Variants in KIAA1549 observed in about 807,000 individuals in gnomAD.
KIAA1549 encodes the protein KIAA1549.
KIAA1549 carries 70 observed loss-of-function variants against 156.4 expected under a neutral mutation model. That is an observed-to-expected ratio of 0.45 (90% CI 0.37 to 0.55). The LOEUF is 0.55. KIAA1549 is among the 20% of genes least tolerant of loss of function. The pLI, the probability that KIAA1549 is intolerant of heterozygous loss-of-function variation, is 0.00. For missense variants in KIAA1549, 2,428 were observed against 2,540.9 expected, an observed-to-expected ratio of 0.96 and a Z score of 0.96; for synonymous variants, 1,103 against 1,066.4, an observed-to-expected ratio of 1.03 and a Z score of -0.67.
At chr7:138,846,482 G>A (rs936254302) in intron 17 of KIAA1549, among the ~76,000 whole-genome samples, 3 of 147,152 alleles carry the variant, frequency 2.0e-5, no homozygotes, top group East Asian at 4.0e-4. Context: ...TGCGGTGAGC[G>A]GAGATCATGC....
intron 1 of KIAA1549, among the ~76,000 whole-genome samples, chr7:138,957,753 C>T (rs895024187): frequency 1.3e-5 from 2 of 152,098 alleles, no homozygotes; most frequent in African/African-American, 4.8e-5. Context: ...GCTGAGATTA[C>T]AGACATGAGA....
At chr7:138,966,123 C>T (rs1424547026) in intron 1 of KIAA1549, among the ~76,000 whole-genome samples, 3 of 152,084 alleles carry the variant, frequency 2.0e-5, no homozygotes, top group African/African-American at 7.2e-5. Context: ...ACTGTGTGCC[C>T]CCAAAATTCA....
intron 1 of KIAA1549, among the ~76,000 whole-genome samples, chr7:138,940,171 C>A (rs529814527): frequency 7.6e-4 from 116 of 152,100 alleles, no homozygotes; most frequent in African/African-American, 2.6e-3. Context: ...CCGCTCCCCC[C>A]ACCCCACAAC....
At chr7:138,877,662 A>G (rs1811125881) in intron 12 of KIAA1549, among the ~76,000 whole-genome samples, 1 of 152,268 alleles carries the variant, frequency 6.6e-6, no homozygotes, top group African/African-American at 2.4e-5. Context: ...AAGTAAATTG[A>G]TATTTATAGT....
chr7:138,872,183 G>A (rs1407846732), intron 12 of KIAA1549, among the ~76,000 whole-genome samples: 2 of 152,032 alleles, frequency 1.3e-5, no homozygotes, highest in African/African-American at 4.8e-5. Flanking sequence ...CTGACCTCAA[G>A]TGATCCACCT....
At position 138,894,405 on chromosome 7, in the gene KIAA1549, T is replaced by C. The variant is rs535270038; in HGVS notation, c.3969A>G (p.Leu1323=). 26 of 1,614,010 alleles carry C rather than the reference T, an allele frequency of 1.6e-5. No individual in the cohort carries two copies. In the Admixed American group the frequency reaches 4.0e-4, roughly 25 times the overall value. The stretch of plus-strand genomic sequence containing the variant: ...GAAAGTCTAGCTTGTCTGTGCGGCA[T>C]AGTTTCCAGTAGAGGATGACAACAA... ...MVIVVILYWK[L]CRTDKLDFQP... Residue 1323 remains leucine (L), a synonymous_variant, in exon 10 of 20, where the codon CTA becomes CTG. Coordinates refer to ENST00000422774, the MANE Select transcript of KIAA1549 (RefSeq NM_001164665.2).
At chr7:138,847,019 C>T (rs1279624995) in intron 17 of KIAA1549, among the ~76,000 whole-genome samples, 1 of 152,160 alleles carries the variant, frequency 6.6e-6, no homozygotes, top group Non-Finnish European at 1.5e-5. Flanking sequence ...GTGAGGCATG[C>T]TCCTCCTTCA....
intron 1 of KIAA1549, among the ~76,000 whole-genome samples, chr7:138,920,982 G>A (rs1479357008): frequency 6.6e-6 from 1 of 152,186 alleles, no homozygotes; most frequent in Non-Finnish European, 1.5e-5. Flanking sequence ...TAAGGGGAAC[G>A]TGCTGAATCC....
chr7:138,898,700 T>C (rs1380858700), intron 9 of KIAA1549, among the ~76,000 whole-genome samples: 1 of 152,240 alleles, frequency 6.6e-6, no homozygotes, highest in Non-Finnish European at 1.5e-5. Flanking sequence ...GATATTAAAG[T>C]TGATGTACTA....
intron 16 of KIAA1549, among the ~76,000 whole-genome samples, chr7:138,853,270 A>C (rs1002108273): frequency 2.6e-5 from 4 of 152,202 alleles, no homozygotes; most frequent in Non-Finnish European, 5.9e-5. Flanking sequence ...TTACTGAATT[A>C]GTATTTTGAG....
At chr7:138,954,710 G>C (rs530909686) in intron 1 of KIAA1549, among the ~76,000 whole-genome samples, 7 of 152,152 alleles carry the variant, frequency 4.6e-5, no homozygotes, top group African/African-American at 1.7e-4. Flanking sequence ...AGCCTCTGCC[G>C]CTCGTGGAGA....
intron 1 of KIAA1549, among the ~76,000 whole-genome samples, chr7:138,973,197 C>G (rs1477969855): frequency 6.6e-6 from 1 of 152,172 alleles, no homozygotes; most frequent in African/African-American, 2.4e-5. Flanking sequence ...AAACTTCCAC[C>G]AACCCTCCTG....
chr7:138,847,877 T>A (rs1040297449), intron 17 of KIAA1549, among the ~76,000 whole-genome samples: 5 of 152,256 alleles, frequency 3.3e-5, no homozygotes, highest in African/African-American at 1.2e-4. Flanking sequence ...TCTGTGAACA[T>A]CTTTCTTTAG....
At chr7:138,942,997 T>C (rs12707404) in intron 1 of KIAA1549, among the ~76,000 whole-genome samples, 76,601 of 151,944 alleles carry the variant, frequency 0.5, 23,054 homozygotes, top group African/African-American at 0.86. Context: ...CTCTGCTGTC[T>C]CCAGCAACCT....
At chr7:138,890,791 T>C (rs1811524173) in intron 10 of KIAA1549, among the ~76,000 whole-genome samples, 1 of 152,244 alleles carries the variant, frequency 6.6e-6, no homozygotes, top group South Asian at 2.1e-4. Context: ...CAAAAGCAAA[T>C]GTGTTCAAGC....
intron 8 of KIAA1549, among the ~76,000 whole-genome samples, chr7:138,902,131 G>A (rs1447022407): frequency 1.3e-5 from 2 of 152,092 alleles, no homozygotes; most frequent in Non-Finnish European, 2.9e-5. Context: ...ACTCTCAATT[G>A]TGATTAGTTT....
chr7:138,927,242 G>T (rs1376494740), intron 1 of KIAA1549, among the ~76,000 whole-genome samples: 3 of 152,144 alleles, frequency 2.0e-5, no homozygotes, highest in Non-Finnish European at 4.4e-5. Context: ...GCCAATGTTT[G>T]TTATTACAAA....
intron 9 of KIAA1549, among the ~76,000 whole-genome samples, chr7:138,894,734 G>A (rs188111525): frequency 3.0e-4 from 46 of 152,192 alleles, no homozygotes; most frequent in Admixed American, 2.5e-3. Context: ...GGATCACAAC[G>A]ACATATGGAT....
intron 14 of KIAA1549, 146 bp from the exon 15 acceptor site, chr7:138,868,274 C>A: frequency 2.7e-6 from 2 of 727,340 alleles, no homozygotes; most frequent in Non-Finnish European, 4.5e-6. Context: ...ACGAGACAGT[C>A]TCTGCTCTAA....
Sources: allele counts gnomAD v4.1 joint callset (sites outside exome capture counted in the v4.1 genomes callset), GRCh38; gene constraint gnomAD v4.1.1; transcripts MANE v1.5; gene names NCBI Gene and HGNC (gene_info 2026-07-23, HGNC 2026-07-21).